The following ETV6 variants were observed in gnomAD, a reference collection of about 807,000 sequenced individuals.
ETV6 encodes the protein ETS variant transcription factor 6, also known as transcription factor ETV6.
In ETV6, 16 loss-of-function variants were observed where a neutral mutation model predicts 51.1. The ratio of observed to expected loss-of-function variants is 0.31; its 90% CI spans 0.21 to 0.48. ETV6 has a LOEUF of 0.48. ETV6 is among the 20% of genes least tolerant of loss of function. The pLI is 0.99. For missense variants in ETV6, 458 were observed against 594.8 expected, an observed-to-expected ratio of 0.77 and a Z score of 2.39; for synonymous variants, 240 against 224.1, an observed-to-expected ratio of 1.07 and a Z score of -0.64.
chr12:11,664,322 T>C (rs1357793742), intron 1 of ETV6, among the ~76,000 whole-genome samples: 2 of 152,200 alleles, frequency 1.3e-5, no homozygotes, highest in African/African-American at 4.8e-5. Context: ...CTTATTGTTA[T>C]TGTTTTTATT....
chr12:11,849,108 G>A (rs187731810), intron 3 of ETV6, among the ~76,000 whole-genome samples: 82 of 151,462 alleles, frequency 5.4e-4, no homozygotes, highest in East Asian at 3.5e-3. Flanking sequence ...CTGTTTTGGC[G>A]TTGTTTGTTT....
chr12:11,787,055 T>C (rs1205810701), intron 2 of ETV6, among the ~76,000 whole-genome samples: 1 of 152,188 alleles, frequency 6.6e-6, no homozygotes, highest in Non-Finnish European at 1.5e-5. Flanking sequence ...GAAAGAGTAA[T>C]GGGGCCCATG....
rs182393172 is a variant in ETV6, at chr12:11,810,012, G to C, written c.164-29128G>C. ...TTTTTTGTATTTTTAGGAGAGACAG[G>C]GTTTCACCATGTTAGCTAGGATGGT... On this transcript the variant is annotated intron_variant, in intron 2 of 7. Transcript: ENST00000396373. 7.6e-4 allele frequency among the ~76,000 whole-genome samples: 115 copies of C among 151,874 alleles called. 3 individuals carry two copies. The East Asian group carries it at 0.021, about 28-fold the overall frequency.
intron 1 of ETV6, among the ~76,000 whole-genome samples, chr12:11,726,867 G>T (rs770349590): frequency 3.3e-5 from 5 of 152,366 alleles, no homozygotes; most frequent in African/African-American, 9.6e-5. Context: ...CTGTCACACT[G>T]CAGTGTAAGC....
intron 1 of ETV6, among the ~76,000 whole-genome samples, chr12:11,662,869 C>A (rs1170465036): frequency 6.6e-6 from 1 of 152,144 alleles, no homozygotes; most frequent in African/African-American, 2.4e-5. Flanking sequence ...GAGTGCACTC[C>A]CTTTAATCTT....
intron 2 of ETV6, among the ~76,000 whole-genome samples, chr12:11,831,305 A>C (rs1370552242): frequency 6.6e-6 from 1 of 152,222 alleles, no homozygotes. Context: ...GGCTCACTGC[A>C]AACTCCACCT....
At chr12:11,843,930 A>G (rs1288054422) in intron 3 of ETV6, among the ~76,000 whole-genome samples, 2 of 152,132 alleles carry the variant, frequency 1.3e-5, no homozygotes, top group African/African-American at 4.8e-5. Context: ...AGTTTATAAC[A>G]TTTGTAAAGT....
intron 1 of ETV6, among the ~76,000 whole-genome samples, chr12:11,745,711 G>C (rs1282993729): frequency 6.6e-6 from 1 of 152,146 alleles, no homozygotes; most frequent in African/African-American, 2.4e-5. Flanking sequence ...CCTCCTTACT[G>C]CTTCTATTTA....
chr12:11,850,487 T>G (rs1455715025), intron 3 of ETV6, among the ~76,000 whole-genome samples: 2 of 152,278 alleles, frequency 1.3e-5, no homozygotes, highest in African/African-American at 2.4e-5. Flanking sequence ...TCCTTAGAGA[T>G]CTACACACCT....
chr12:11,712,300 G>C (rs1235797660), intron 1 of ETV6, among the ~76,000 whole-genome samples: 1 of 152,160 alleles, frequency 6.6e-6, no homozygotes, highest in Non-Finnish European at 1.5e-5. Context: ...TTTCATGTGT[G>C]GTCAGATTTT....
intron 1 of ETV6, among the ~76,000 whole-genome samples, chr12:11,738,667 G>A (rs1406788439): frequency 1.3e-5 from 2 of 152,040 alleles, no homozygotes; most frequent in Non-Finnish European, 2.9e-5. Flanking sequence ...AGCAAATGAC[G>A]ACACCCCAGG....
At position 11,752,910 on chromosome 12, in the gene ETV6, C is replaced by T. The variant is rs1268518905; in HGVS notation, c.163+331C>T. Reference sequence around the variant, plus strand: ...TGTGTGTGCAAAGTTTATCTGTATTCTCAAATTCACGCTTACTCAACTTTA... The same window carrying T: ...TGTGTGTGCAAAGTTTATCTGTATTTTCAAATTCACGCTTACTCAACTTTA... On this transcript the variant is annotated intron_variant, in intron 2 of 7. Coordinates refer to ENST00000396373, the MANE Select transcript of ETV6 (RefSeq NM_001987.5). 79 of 205,160 alleles carry T rather than the reference C, an allele frequency of 3.9e-4. 1 individual carries two copies. The Admixed American group carries it at 4.6e-3, about 12-fold the overall frequency. 12.7% of individuals were successfully genotyped at this position (205,160 alleles called of 1,614,324 possible).
chr12:11,705,816 C>T (rs976533219), intron 1 of ETV6, among the ~76,000 whole-genome samples: 1 of 152,214 alleles, frequency 6.6e-6, no homozygotes, highest in East Asian at 1.9e-4. Context: ...CTCTGGCCAC[C>T]ACTGTACTCT....
intron 1 of ETV6, among the ~76,000 whole-genome samples, chr12:11,651,776 T>C (rs1330040317): frequency 1.3e-5 from 2 of 152,210 alleles, no homozygotes; most frequent in African/African-American, 4.8e-5. Context: ...TGTATTTGGC[T>C]CAGTGGCAAT....
At chr12:11,718,233 C>A in intron 1 of ETV6, among the ~76,000 whole-genome samples, 1 of 152,136 alleles carries the variant, frequency 6.6e-6, no homozygotes, top group East Asian at 1.9e-4. Flanking sequence ...GAACCCTGGG[C>A]TCCCCTGTGC....
chr12:11,802,910 T>G (rs1053161722), intron 2 of ETV6, among the ~76,000 whole-genome samples: 1 of 152,244 alleles, frequency 6.6e-6, no homozygotes, highest in Non-Finnish European at 1.5e-5. Context: ...CCCATTATTG[T>G]AAGCCCTGTC....
At chr12:11,746,790 CTT>C (rs56135545) in intron 1 of ETV6, among the ~76,000 whole-genome samples, 3,919 of 118,556 alleles carry the variant, frequency 0.033, 87 homozygotes, top group African/African-American at 0.07. Flanking sequence ...CTCTCTCTCT[CTT>C]TTTTTTTTTT....
chr12:11,683,453 A>G (rs1357810923), intron 1 of ETV6, among the ~76,000 whole-genome samples: 1 of 152,254 alleles, frequency 6.6e-6, no homozygotes, highest in Non-Finnish European at 1.5e-5. Context: ...CATTGAAACT[A>G]TAATGCAACT....
chr12:11,776,708 T>C (rs1031493651), intron 2 of ETV6, among the ~76,000 whole-genome samples: 4 of 150,706 alleles, frequency 2.7e-5, no homozygotes, highest in Non-Finnish European at 5.9e-5. Flanking sequence ...AACAAAAATA[T>C]AATCCAGTGA....
Sources: gnomAD v4.1 joint callset for allele counts (sites outside exome capture counted in the v4.1 genomes callset) on GRCh38, gnomAD v4.1.1 for gene constraint, MANE v1.5 for transcripts, NCBI Gene and HGNC (gene_info 2026-07-23, HGNC 2026-07-21) for gene names.